SERPINH1: variants seen among roughly 807,000 people sequenced by gnomAD.
SERPINH1 encodes serpin family H member 1.
In SERPINH1, 22 loss-of-function variants were observed where a neutral mutation model predicts 32.3. The observed-to-expected ratio is 0.68, with a 90% confidence interval of 0.49 to 0.97. The LOEUF is 0.97. Ranked by LOEUF, SERPINH1 falls within the 50% of genes least tolerant of loss-of-function variation. The probability of loss-of-function intolerance (pLI) is 0.00; values close to 1 mark genes in which losing one functional copy is unlikely to be tolerated. For missense variants in SERPINH1, 543 were observed against 576.4 expected (o/e 0.94, Z 0.59); for synonymous variants, 251 against 245.9 (o/e 1.02, Z -0.19).
At position 75,569,038 on chromosome 11, in the gene SERPINH1, A is replaced by G; in HGVS notation, c.821A>G (p.His274Arg). Residue 274 changes from histidine to arginine, a missense_variant, in exon 4 of 5, where the codon CAC becomes CGC. Coordinates refer to ENST00000358171, the MANE Select transcript of SERPINH1 (RefSeq NM_001235.5). The stretch of plus-strand genomic sequence containing the variant: ...AGCCTCATCATCCTCATGCCCCATC[A>G]CGTGGAGCCTCTCGAGCGCCTTGAA... The part of the protein sequence containing the change: ...LSSLIILMPH[H>R]VEPLERLEKL... 6.2e-7 allele frequency: 1 copy of G among 1,614,170 alleles called. No individual in the cohort carries two copies. Among genetic ancestry groups the G allele is most frequent in the Admixed American group, 1.7e-5 (1 of 60,032 alleles).
Position 75,568,937 on chromosome 11 carries a change from A to G in SERPINH1, c.722-2A>G. On this transcript the variant is annotated splice_acceptor_variant, in intron 3 of 4. Transcript: ENST00000358171. LOFTEE classifies it high-confidence loss of function. The stretch of plus-strand genomic sequence containing the variant: ...CCAGTGTCCTTTCCGCTCCTCTCCC[A>G]GGCCTCTACAACTACTACGACGACG... 6.2e-7 allele frequency: 1 copy of G among 1,613,688 alleles called. No homozygotes were observed. The highest frequency in any genetic ancestry group is 8.5e-7 in the Non-Finnish European group (1 of 1,179,794).
chr11:75,566,665 G>T lies in SERPINH1; in HGVS notation c.316G>T (p.Glu106Ter), dbSNP rs1272147228. 6.2e-7 allele frequency: 1 copy of T among 1,608,444 alleles called. No individual in the cohort carries two copies. The highest frequency in any genetic ancestry group is 8.5e-7 in the Non-Finnish European group (1 of 1,178,206). Residue 106 changes from glutamate to a stop codon, truncating the protein, a stop_gained, in exon 2 of 5, where the codon GAG becomes TAG. Transcript: ENST00000358171. LOFTEE classifies it high-confidence loss of function. ...VLSAEQLRDE[E>*]VHAGLGELLR... ...GAGCGCCGAGCAGCTGCGCGACGAG[G>T]AGGTGCACGCCGGCCTGGGCGAGCT...
Position 75,568,969 on chromosome 11 carries a change from A to C in SERPINH1, c.752A>C (p.Glu251Ala). 2 of 1,614,098 alleles carry C rather than the reference A, an allele frequency of 1.2e-6. No individual in the cohort carries two copies. The highest frequency in any genetic ancestry group is 1.7e-6 in the Non-Finnish European group (2 of 1,180,026). ...TACAACTACTACGACGACGAGAAGGAAAAGCTGCAAATCGTGGAGATGCCC... is the reference window on the plus strand; with the variant it reads ...TACAACTACTACGACGACGAGAAGGCAAAGCTGCAAATCGTGGAGATGCCC... ...GLYNYYDDEK[E>A]KLQIVEMPLA... The change falls in exon 4 of 5, where the codon GAA becomes GCA. Residue 251 changes from glutamate (E) to alanine (A), a missense_variant. Transcript: ENST00000358171.
intron 2 of SERPINH1, among the ~76,000 whole-genome samples, chr11:75,567,372 A>G (rs1783459187): frequency 6.6e-6 from 1 of 152,198 alleles, no homozygotes; most frequent in South Asian, 2.1e-4. Flanking sequence ...CCCAGGCTGG[A>G]GTGCAATGGC....
intron 2 of SERPINH1, chr11:75,568,451 G>A (rs1192546800): frequency 4.0e-6 from 2 of 497,344 alleles, no homozygotes; most frequent in Non-Finnish European, 3.7e-6. Flanking sequence ...CATAGAGGTG[G>A]CTGACCTGAG....
chr11:75,562,850 G>A (rs1942002190), intron 1 of SERPINH1: 1 of 152,262 alleles, frequency 6.6e-6, no homozygotes, highest in Non-Finnish European at 1.5e-5. Flanking sequence ...GCTTCCGGTG[G>A]TGGGAAAGGA....
intron 4 of SERPINH1, among the ~76,000 whole-genome samples, chr11:75,570,358 T>G (rs1038224968): frequency 2.0e-5 from 3 of 152,118 alleles, no homozygotes; most frequent in Non-Finnish European, 4.4e-5. Flanking sequence ...CTGTAGACCC[T>G]GGGAGTTCCT....
chr11:75,565,545 C>G (rs1369711021), intron 1 of SERPINH1, among the ~76,000 whole-genome samples: 1 of 152,184 alleles, frequency 6.6e-6, no homozygotes, highest in Non-Finnish European at 1.5e-5. Context: ...CCTGCCCAGA[C>G]AGAAGCCATG....
Position 75,566,518 on chromosome 11 carries a change from G to C in SERPINH1, c.169G>C (p.Ala57Pro). The C allele has an allele frequency of 6.2e-7, 1 of 1,612,236 alleles. No homozygotes were observed. The change falls in exon 2 of 5, where the codon GCC (alanine) becomes CCC (proline). Residue 57 changes from alanine (A) to proline (P), a missense_variant. By Grantham distance (27) the Ala-to-Pro change is conservative. Around this residue, in one of 3 missense-constraint regions of SERPINH1, gnomAD observed 109 missense variants for 102.4 expected, o/e 1.06. Coordinates refer to ENST00000358171, the MANE Select transcript of SERPINH1 (RefSeq NM_001235.5). ...SAGLAFSLYQ[A>P]MAKDQAVENI... ...CGGCCTGGCCTTCAGCTTGTACCAG[G>C]CCATGGCCAAGGACCAGGCAGTGGA...
chr11:75,568,851 G>C, intron 3 of SERPINH1, 22 bp downstream of exon 3: 2 of 1,608,588 alleles, frequency 1.2e-6, no homozygotes, highest in Non-Finnish European at 1.7e-6. Context: ...GAGGAGCAGG[G>C]TGTCAAGGTG....
At chr11:75,567,005 T>C (rs1942102561) in intron 2 of SERPINH1, 34 bp downstream of exon 2, 2 of 1,588,370 alleles carry the variant, frequency 1.3e-6, no homozygotes, top group Admixed American at 1.7e-5. Flanking sequence ...GTCCTCCTCC[T>C]CCTCCCAGGA....
At chr11:75,570,221 C>T (rs1450660688) in intron 4 of SERPINH1, among the ~76,000 whole-genome samples, 2 of 152,106 alleles carry the variant, frequency 1.3e-5, no homozygotes, top group African/African-American at 4.8e-5. Flanking sequence ...CCTTGGATGC[C>T]ACAAATGGTT....
At chr11:75,568,251 T>C (rs909659831) in intron 2 of SERPINH1, 2 of 222,890 alleles carry the variant, frequency 9.0e-6, no homozygotes, top group Admixed American at 1.0e-4. Context: ...ATTGTACCAC[T>C]GCACTCCAGC....
intron 2 of SERPINH1, chr11:75,567,904 TG>T (rs1942118695): frequency 6.6e-6 from 1 of 152,424 alleles, no homozygotes; most frequent in South Asian, 2.1e-4. Flanking sequence ...GAGCTTGGAT[TG>T]GAACACAGGT....
chr11:75,568,299 A>C, intron 2 of SERPINH1: 1 of 177,144 alleles, frequency 5.6e-6, no homozygotes. Context: ...CTCAAAAAGA[A>C]AAAGATAAAA....
At position 75,564,351 on chromosome 11, in the gene SERPINH1, G is replaced by A. The variant is rs186995991; in HGVS notation, c.-34-1965G>A. Among the ~76,000 whole-genome samples the A allele has an allele frequency of 1.2e-4, 18 of 152,328 alleles. 1 individual carries two copies. Among genetic ancestry groups the A allele is most frequent in the Admixed American group, 1.1e-3 (17 of 15,298 alleles). ...GTCCTTTGAGGTTCTGGCTGGTGGG[G>A]GTGGGGGCTGTCAAGATGGTACCTG... is the stretch of plus-strand genomic sequence containing the variant. On this transcript the variant is annotated intron_variant, in intron 1 of 4. Transcript: ENST00000358171.
At chr11:75,568,658 G>T (rs1005961129) in intron 2 of SERPINH1, 73 bp from the exon 3 acceptor site, 364 of 952,720 alleles carry the variant, frequency 3.8e-4, no homozygotes, top group Middle Eastern at 9.3e-4. Flanking sequence ...CTGCAGCCGG[G>T]GGTGGCTGTG....
Position 75,566,955 on chromosome 11 carries a change from C to G in SERPINH1, c.606C>G (p.Asn202Lys), listed in dbSNP as rs1245712905. Residue 202 changes from asparagine to lysine, a missense_variant, in exon 2 of 5, where the codon AAC (asparagine) becomes AAG (lysine). Coordinates refer to ENST00000358171, the MANE Select transcript of SERPINH1 (RefSeq NM_001235.5). The stretch of plus-strand genomic sequence containing the variant: ...GCACGGACGGCGCCCTGCTAGTCAA[C>G]GCCATGTTCTTCAAGCGTGAGTCGG... ...VERTDGALLV[N>K]AMFFKPHWDE... The G allele has an allele frequency of 6.3e-7, 1 of 1,599,360 alleles. No individual in the cohort carries two copies. The highest frequency in any genetic ancestry group is 8.5e-7 in the Non-Finnish European group (1 of 1,178,296).
Position 75,571,940 on chromosome 11 carries a change from G to C in SERPINH1, c.1114G>C (p.Gly372Arg). 1.2e-6 allele frequency: 2 copies of C among 1,614,192 alleles called. No individual in the cohort carries two copies. The highest frequency in any genetic ancestry group is 1.7e-6 in the Non-Finnish European group (2 of 1,180,042). ...CAACCCCTTTGACCAGGACATCTAC[G>C]GGCGCGAGGAGCTGCGCAGCCCCAA... ...DGNPFDQDIY[G>R]REELRSPKLF... Residue 372 changes from glycine to arginine, a missense_variant, in exon 5 of 5, where the codon GGG becomes CGG. Around this residue, in one of 3 missense-constraint regions of SERPINH1, gnomAD observed 427 missense variants for 446.4 expected, o/e 0.96. Coordinates refer to ENST00000358171, the MANE Select transcript of SERPINH1 (RefSeq NM_001235.5).
Sources: gnomAD v4.1 joint callset for allele counts (sites outside exome capture counted in the v4.1 genomes callset) on GRCh38, gnomAD v4.1.1 for gene constraint, gnomAD v4.1.1 regional missense constraint, MANE v1.5 for transcripts, NCBI Gene and HGNC (gene_info 2026-07-23, HGNC 2026-07-21) for gene names.